Variants in XRCC4 observed in about 807,000 individuals in gnomAD.
The protein encoded by XRCC4 is X-ray repair cross complementing 4.
In XRCC4, 28 loss-of-function variants were observed where a neutral mutation model predicts 39.1. The ratio of observed to expected loss-of-function variants is 0.72; its 90% CI spans 0.53 to 0.98. The LOEUF is 0.98. Ranked by LOEUF, XRCC4 falls within the 50% of genes least tolerant of loss-of-function variation. The pLI is 0.00. For synonymous variants in XRCC4, 123 were observed against 126.4 expected, an observed-to-expected ratio of 0.97 and a Z score of 0.18; for missense variants, 350 against 376.4, an observed-to-expected ratio of 0.93 and a Z score of 0.58.
At chr5:83,125,873 C>T (rs1316544017) in intron 3 of XRCC4, among the ~76,000 whole-genome samples, 1 of 151,448 alleles carries the variant, frequency 6.6e-6, no homozygotes, top group Non-Finnish European at 1.5e-5. Flanking sequence ...ATCCGAGCTA[C>T]TTGGGAGGCT....
chr5:83,110,485 G>A (rs1746390298), intron 2 of XRCC4, among the ~76,000 whole-genome samples: 1 of 151,906 alleles, frequency 6.6e-6, no homozygotes, highest in African/African-American at 2.4e-5. Context: ...GTGTTGCAGA[G>A]GAGATGCTCG....
chr5:83,311,272 A>AAAT (rs142642915), intron 7 of XRCC4, among the ~76,000 whole-genome samples: 5,811 of 152,254 alleles, frequency 0.038, 325 homozygotes, highest in African/African-American at 0.13. Flanking sequence ...TAGGTAGAAG[A>AAAT]AATAAGACGT....
intron 3 of XRCC4, among the ~76,000 whole-genome samples, chr5:83,122,743 C>A (rs1747070332): frequency 6.6e-6 from 1 of 152,036 alleles, no homozygotes; most frequent in African/African-American, 2.4e-5. Flanking sequence ...GTTGTGTTTT[C>A]ATTTTCATTT....
At chr5:83,349,990 C>G (rs1757032147) in intron 7 of XRCC4, among the ~76,000 whole-genome samples, 1 of 152,132 alleles carries the variant, frequency 6.6e-6, no homozygotes, top group South Asian at 2.1e-4. Flanking sequence ...GTTTAGCTCT[C>G]ACTTATAAGT....
intron 7 of XRCC4, among the ~76,000 whole-genome samples, chr5:83,333,913 G>A (rs1392693320): frequency 6.6e-6 from 1 of 151,948 alleles, no homozygotes; most frequent in Non-Finnish European, 1.5e-5. Context: ...GGGATTACAG[G>A]TGTGCGCCAC....
the XRCC4 span, among the ~76,000 whole-genome samples, chr5:83,364,121 T>G: frequency 2.0e-4 from 31 of 152,294 alleles, no homozygotes; most frequent in African/African-American, 7.0e-4. Flanking sequence ...GGAGACATTG[T>G]GAACTAACCT....
chr5:83,216,593 A>G (rs567384463), intron 6 of XRCC4, among the ~76,000 whole-genome samples: 1 of 152,312 alleles, frequency 6.6e-6, no homozygotes, highest in South Asian at 2.1e-4. Context: ...ACGTTAAATA[A>G]AATGTGGTCT....
intron 7 of XRCC4, among the ~76,000 whole-genome samples, chr5:83,329,055 A>G (rs1756355575): frequency 6.6e-6 from 1 of 152,114 alleles, no homozygotes; most frequent in Admixed American, 6.6e-5. Flanking sequence ...GACTGCAGAC[A>G]TGTGCCACTG....
rs376989373 is a variant in XRCC4 at position 83,097,109 on chromosome 5, A to G, written c.-10-7801A>G. On this transcript the variant is annotated intron_variant, in intron 1 of 7. Transcript: ENST00000396027. ...GAACTTCCTCCTGCTGGAGTTGTCC[A>G]AAATGTATTCAGAGATGTGGTCAAA... Among the ~76,000 whole-genome samples the G allele has an allele frequency of 2.2e-4, 33 of 152,332 alleles. 1 individual carries two copies. In the East Asian group the frequency reaches 2.3e-3, roughly 11 times the overall value.
chr5:83,197,418 A>G (rs951786574), intron 4 of XRCC4, among the ~76,000 whole-genome samples: 3 of 152,162 alleles, frequency 2.0e-5, no homozygotes, highest in African/African-American at 7.2e-5. Flanking sequence ...AATTTGATCC[A>G]CAAATTGCCT....
intron 3 of XRCC4, among the ~76,000 whole-genome samples, chr5:83,116,410 A>C (rs760736650): frequency 6.6e-6 from 1 of 152,072 alleles, no homozygotes; most frequent in Non-Finnish European, 1.5e-5. Context: ...TTGTGTATCT[A>C]ATTGTGTGTT....
chr5:83,183,603 A>G (rs906965722), intron 3 of XRCC4, among the ~76,000 whole-genome samples: 1 of 152,088 alleles, frequency 6.6e-6, no homozygotes, highest in Non-Finnish European at 1.5e-5. Context: ...GTGATTTTCC[A>G]GTCCCTTGAA....
chr5:83,184,893 G>T (rs1411309159), intron 3 of XRCC4, among the ~76,000 whole-genome samples: 1 of 151,858 alleles, frequency 6.6e-6, no homozygotes, highest in African/African-American at 2.4e-5. Flanking sequence ...TGGTTTATTT[G>T]CAAAACCCTT....
intron 3 of XRCC4, among the ~76,000 whole-genome samples, chr5:83,126,375 C>A (rs2112461709): frequency 6.6e-6 from 1 of 152,090 alleles, no homozygotes; most frequent in Non-Finnish European, 1.5e-5. Flanking sequence ...GTATATTCTC[C>A]AAACTTTCTA....
chr5:83,147,214 A>G (rs1748494681), intron 3 of XRCC4, among the ~76,000 whole-genome samples: 1 of 152,162 alleles, frequency 6.6e-6, no homozygotes, highest in Non-Finnish European at 1.5e-5. Flanking sequence ...TCTTGAACCC[A>G]GGAGTTCAAG....
chr5:83,366,169 A>C, the XRCC4 span, among the ~76,000 whole-genome samples: 1 of 152,196 alleles, frequency 6.6e-6, no homozygotes, highest in African/African-American at 2.4e-5. Context: ...TCTAGACTTC[A>C]AATATCTCTA....
intron 7 of XRCC4, among the ~76,000 whole-genome samples, chr5:83,288,534 T>C (rs1754809887): frequency 6.6e-6 from 1 of 151,914 alleles, no homozygotes; most frequent in Non-Finnish European, 1.5e-5. Flanking sequence ...TCCTTCACTA[T>C]TGAAGGATAA....
chr5:83,197,429 A>T (rs911853386), intron 4 of XRCC4, among the ~76,000 whole-genome samples: 2 of 152,176 alleles, frequency 1.3e-5, no homozygotes, highest in Non-Finnish European at 2.9e-5. Context: ...CAAATTGCCT[A>T]CAAAAATGCA....
At chr5:83,331,371 C>T (rs73140228) in intron 7 of XRCC4, among the ~76,000 whole-genome samples, 3,098 of 152,102 alleles carry the variant, frequency 0.02, 106 homozygotes, top group African/African-American at 0.071. Flanking sequence ...TTTTCATGTA[C>T]TTTGTTTGCA....
Sources: gnomAD v4.1 joint callset for allele counts (sites outside exome capture counted in the v4.1 genomes callset) on GRCh38, gnomAD v4.1.1 for gene constraint, MANE v1.5 for transcripts, NCBI Gene and HGNC (gene_info 2026-07-23, HGNC 2026-07-21) for gene names.